Variants in SERGEF observed in about 807,000 individuals in gnomAD.
SERGEF encodes the protein secretion-regulating guanine nucleotide exchange factor.
Under a neutral mutation model 50.0 loss-of-function variants are expected in SERGEF, and 51 were observed. That is an observed-to-expected ratio of 1.02 (90% CI 0.81 to 1.29). SERGEF has a LOEUF of 1.29. SERGEF is among the 50% of genes most tolerant of loss of function. The pLI is 0.00. For synonymous variants in SERGEF, 205 were observed against 212.4 expected, an observed-to-expected ratio of 0.97 and a Z score of 0.30; for missense variants, 521 against 557.0, an observed-to-expected ratio of 0.94 and a Z score of 0.65.
intron 10 of SERGEF, among the ~76,000 whole-genome samples, chr11:17,805,054 G>A (rs1849732628): frequency 6.6e-6 from 1 of 152,198 alleles, no homozygotes; most frequent in African/African-American, 2.4e-5. Flanking sequence ...ACTGTCTGAT[G>A]CACACAGTTC....
chr11:17,841,634 A>G (rs970664812), intron 10 of SERGEF, among the ~76,000 whole-genome samples: 9 of 152,322 alleles, frequency 5.9e-5, no homozygotes, highest in Admixed American at 5.9e-4. Context: ...TAAATGTCAA[A>G]TTGAGCATAA....
At chr11:17,882,636 T>C (rs929475432) in intron 9 of SERGEF, among the ~76,000 whole-genome samples, 1 of 152,070 alleles carries the variant, frequency 6.6e-6, no homozygotes, top group Non-Finnish European at 1.5e-5. Flanking sequence ...TCAGTAGTCT[T>C]TCTGCACACA....
At chr11:18,012,429 ACCGGTCACAGCAG>A in intron 1 of SERGEF, 1 of 959,754 alleles carries the variant, frequency 1.0e-6, no homozygotes, top group Non-Finnish European at 1.3e-6. Flanking sequence ...ACATGCAAGA[ACCGGTCACAGCAG>A]AGTGTCAGCA....
At chr11:17,850,663 CTG>C (rs1440325572) in intron 10 of SERGEF, among the ~76,000 whole-genome samples, 2 of 152,196 alleles carry the variant, frequency 1.3e-5, no homozygotes, top group African/African-American at 4.8e-5. Context: ...GGTTAATACT[CTG>C]AGAAAAATCC....
intron 8 of SERGEF, among the ~76,000 whole-genome samples, chr11:17,983,013 CATT>C (rs1368396991): frequency 6.6e-6 from 1 of 152,176 alleles, no homozygotes; most frequent in African/African-American, 2.4e-5. Flanking sequence ...CTTCTTCCAT[CATT>C]GATTCTCTAA....
At chr11:17,846,837 G>A (rs1483693227) in intron 10 of SERGEF, 1 of 447,784 alleles carries the variant, frequency 2.2e-6, no homozygotes, top group Non-Finnish European at 4.5e-6. Context: ...TAATAGATGA[G>A]CCTCCTAGTA....
At chr11:17,838,423 G>C (rs944025781) in intron 10 of SERGEF, among the ~76,000 whole-genome samples, 1 of 152,176 alleles carries the variant, frequency 6.6e-6, no homozygotes, top group Non-Finnish European at 1.5e-5. Context: ...GCTTCCAAAT[G>C]TATTTAGTGG....
chr11:17,910,909 G>A (rs1277409676), intron 9 of SERGEF, among the ~76,000 whole-genome samples: 1 of 152,156 alleles, frequency 6.6e-6, no homozygotes, highest in Non-Finnish European at 1.5e-5. Context: ...TGGCTCAGGT[G>A]GGTAGACAAG....
intron 8 of SERGEF, among the ~76,000 whole-genome samples, chr11:17,964,928 G>C (rs369808128): frequency 6.6e-6 from 1 of 152,200 alleles, no homozygotes; most frequent in Non-Finnish European, 1.5e-5. Context: ...GAATCACCTA[G>C]CATCATCTTC....
chr11:17,819,429 A>C (rs1210723630), intron 10 of SERGEF, among the ~76,000 whole-genome samples: 3 of 152,186 alleles, frequency 2.0e-5, no homozygotes, highest in Non-Finnish European at 4.4e-5. Context: ...GGGGTGTGCC[A>C]CTCACTTTTC....
intron 9 of SERGEF, among the ~76,000 whole-genome samples, chr11:17,907,115 C>A (rs975629133): frequency 1.3e-5 from 2 of 150,246 alleles, no homozygotes; most frequent in African/African-American, 4.9e-5. Flanking sequence ...ATTAAAACAT[C>A]CTGTGAGTCT....
chr11:17,980,206 C>T (rs944886055), intron 8 of SERGEF, among the ~76,000 whole-genome samples: 1 of 152,176 alleles, frequency 6.6e-6, no homozygotes, highest in East Asian at 1.9e-4. Context: ...CTTTTGTGAC[C>T]TCCAACTCCC....
rs574462361 is a variant in SERGEF, at chr11:17,971,180, C to T, written c.845-11544G>A. On this transcript the variant is annotated intron_variant, in intron 8 of 10. Transcript: ENST00000265965. ...CTGCACTCCAGGCTGGGCGACGCAG[C>T]GAGACTCCATCTAAAAAAAAGAAAA... is the stretch of plus-strand genomic sequence containing the variant. Among the ~76,000 whole-genome samples the T allele has an allele frequency of 5.9e-5, 9 of 151,802 alleles. No individual in the cohort carries two copies. In the South Asian group the frequency reaches 1.0e-3, roughly 18 times the overall value.
chr11:17,895,970 C>T (rs576584893), intron 9 of SERGEF, among the ~76,000 whole-genome samples: 1 of 152,182 alleles, frequency 6.6e-6, no homozygotes, highest in African/African-American at 2.4e-5. Flanking sequence ...AGGAATATAC[C>T]TTATTTCACT....
At chr11:17,885,261 C>T (rs1194159068) in intron 9 of SERGEF, among the ~76,000 whole-genome samples, 1 of 152,196 alleles carries the variant, frequency 6.6e-6, no homozygotes, top group Non-Finnish European at 1.5e-5. Flanking sequence ...CTTTTCGCCT[C>T]AGCCTGGAGT....
intron 5 of SERGEF, chr11:17,999,469 A>G: frequency 2.5e-6 from 1 of 395,308 alleles, no homozygotes. Context: ...CTATCAGCAC[A>G]GTCCTGCATT....
chr11:17,824,744 G>C (rs1850158461), intron 10 of SERGEF, among the ~76,000 whole-genome samples: 2 of 152,086 alleles, frequency 1.3e-5, no homozygotes, highest in African/African-American at 4.8e-5. Context: ...TGTCTCTTCT[G>C]CATCTCATAA....
intron 10 of SERGEF, among the ~76,000 whole-genome samples, chr11:17,800,726 T>C (rs1437953581): frequency 2.0e-5 from 3 of 152,180 alleles, no homozygotes; most frequent in African/African-American, 4.8e-5. Context: ...GCCCCTGAGT[T>C]GCGACCTGTA....
At chr11:17,918,895 C>A in intron 9 of SERGEF, 1 of 335,600 alleles carries the variant, frequency 3.0e-6, no homozygotes, top group South Asian at 2.3e-5. Context: ...CAAGTTATCC[C>A]CTTAGGTGAA....
Sources: allele counts gnomAD v4.1 joint callset (sites outside exome capture counted in the v4.1 genomes callset), GRCh38; gene constraint gnomAD v4.1.1; transcripts MANE v1.5; gene names NCBI Gene and HGNC (gene_info 2026-07-23, HGNC 2026-07-21).